TAFA1: variants seen among roughly 807,000 people sequenced by gnomAD.
TAFA1 encodes chemokine-like protein TAFA-1.
TAFA1 carries 4 observed loss-of-function variants against 18.5 expected under a neutral mutation model. The observed-to-expected ratio is 0.22, with a 90% CI of 0.11 to 0.49. The LOEUF (loss-of-function observed/expected upper bound fraction) is 0.49, where lower values mean the gene tolerates loss of function less well. TAFA1 is among the 20% of genes least tolerant of loss of function. TAFA1 has a pLI of 0.98. For missense variants in TAFA1, 147 were observed against 169.0 expected (o/e 0.87, Z 0.72); for synonymous variants, 56 against 55.2 (o/e 1.01, Z -0.06).
At chr3:68,539,415 T>C (rs2073331514) in intron 4 of TAFA1, among the ~76,000 whole-genome samples, 1 of 151,684 alleles carries the variant, frequency 6.6e-6, no homozygotes, top group Non-Finnish European at 1.5e-5. Context: ...CAGGGTGGGG[T>C]AATCCAAACC....
chr3:68,312,212 C>T (rs990950128), intron 2 of TAFA1, among the ~76,000 whole-genome samples: 2 of 152,038 alleles, frequency 1.3e-5, no homozygotes, highest in Non-Finnish European at 2.9e-5. Context: ...GGCCTTCGGG[C>T]CTGTGATAGG....
At chr3:68,198,546 A>T (rs1309751438) in intron 2 of TAFA1, among the ~76,000 whole-genome samples, 2 of 151,568 alleles carry the variant, frequency 1.3e-5, no homozygotes, top group East Asian at 3.9e-4. Context: ...TAGTGTTGTC[A>T]GTGTTCTGAA....
chr3:68,309,499 G>A (rs1259214291), intron 2 of TAFA1, among the ~76,000 whole-genome samples: 1 of 152,042 alleles, frequency 6.6e-6, no homozygotes, highest in East Asian at 1.9e-4. Flanking sequence ...CTATTACAAA[G>A]CCATGTAATT....
At chr3:68,210,662 T>G (rs1422096591) in intron 2 of TAFA1, among the ~76,000 whole-genome samples, 1 of 152,072 alleles carries the variant, frequency 6.6e-6, no homozygotes, top group African/African-American at 2.4e-5. Flanking sequence ...CTCTATTCAG[T>G]AAGCCACCCT....
intron 2 of TAFA1, among the ~76,000 whole-genome samples, chr3:68,105,362 A>C (rs1000503365): frequency 4.3e-4 from 65 of 152,170 alleles, no homozygotes; most frequent in African/African-American, 1.5e-3. Flanking sequence ...ACAGAAACAC[A>C]GTCGTGTCAA....
intron 2 of TAFA1, among the ~76,000 whole-genome samples, chr3:68,350,463 T>C (rs2069246724): frequency 6.6e-6 from 1 of 152,140 alleles, no homozygotes; most frequent in Admixed American, 6.6e-5. Flanking sequence ...GAGGGATACA[T>C]GCTTATAGTT....
At chr3:68,416,479 C>A (rs2070841204) in intron 2 of TAFA1, among the ~76,000 whole-genome samples, 1 of 152,168 alleles carries the variant, frequency 6.6e-6, no homozygotes, top group South Asian at 2.1e-4. Context: ...GGTTTCTGGT[C>A]ACTTGATGTA....
chr3:68,224,896 CTTTTTTTTTTTTTTTT>C (rs71112624), intron 2 of TAFA1, among the ~76,000 whole-genome samples: 36 of 46,342 alleles, frequency 7.8e-4, no homozygotes, highest in Non-Finnish European at 1.1e-3. Context: ...GCTTGTGGCA[CTTTTTTTTTTTTTTTT>C]TTTTTTTTTT....
intron 2 of TAFA1, among the ~76,000 whole-genome samples, chr3:68,200,774 A>G (rs914677314): frequency 3.3e-5 from 5 of 151,520 alleles, no homozygotes; most frequent in Non-Finnish European, 7.4e-5. Context: ...CTAGAGGATT[A>G]TCATTTTAAT....
intron 3 of TAFA1, among the ~76,000 whole-genome samples, chr3:68,428,423 T>G (rs1476574708): frequency 6.6e-6 from 1 of 151,908 alleles, no homozygotes; most frequent in African/African-American, 2.4e-5. Context: ...CCAACAAAAG[T>G]CATAAACACA....
At chr3:68,401,720 C>T (rs2070497391) in intron 2 of TAFA1, among the ~76,000 whole-genome samples, 1 of 152,188 alleles carries the variant, frequency 6.6e-6, no homozygotes, top group Non-Finnish European at 1.5e-5. Context: ...TGTTAACAAC[C>T]ACTTGGTCAC....
chr3:68,131,626 G>A (rs1418119083), intron 2 of TAFA1, among the ~76,000 whole-genome samples: 2 of 152,190 alleles, frequency 1.3e-5, no homozygotes, highest in Non-Finnish European at 2.9e-5. Context: ...CTTAGCTACT[G>A]AGCAGGCAGA....
At chr3:68,130,308 G>C (rs887128057) in intron 2 of TAFA1, among the ~76,000 whole-genome samples, 1 of 152,128 alleles carries the variant, frequency 6.6e-6, no homozygotes, top group African/African-American at 2.4e-5. Flanking sequence ...TTAGGCACTA[G>C]AGCAGTTTGC....
chr3:68,193,878 G>A (rs1325405149), intron 2 of TAFA1, among the ~76,000 whole-genome samples: 1 of 151,684 alleles, frequency 6.6e-6, no homozygotes, highest in Admixed American at 6.6e-5. Flanking sequence ...AACATTTGTA[G>A]GTTTGTGGGT....
chr3:68,075,931 A>G (rs910530006), intron 2 of TAFA1, among the ~76,000 whole-genome samples: 7 of 152,154 alleles, frequency 4.6e-5, no homozygotes, highest in Non-Finnish European at 7.4e-5. Flanking sequence ...TCCTGGGCTC[A>G]AGCAATCCTG....
intron 2 of TAFA1, among the ~76,000 whole-genome samples, chr3:68,361,569 C>T (rs1417727983): frequency 6.6e-6 from 1 of 151,106 alleles, no homozygotes; most frequent in Admixed American, 6.6e-5. Context: ...GATCATTACA[C>T]ATTATAGTCA....
intron 2 of TAFA1, among the ~76,000 whole-genome samples, chr3:68,328,295 A>G (rs1218873357): frequency 1.3e-5 from 2 of 152,172 alleles, no homozygotes; most frequent in Non-Finnish European, 2.9e-5. Flanking sequence ...GAAATTACCA[A>G]TTTCATAAAA....
chr3:68,341,812 G>T (rs1009796632), intron 2 of TAFA1, among the ~76,000 whole-genome samples: 12 of 152,168 alleles, frequency 7.9e-5, no homozygotes, highest in African/African-American at 2.4e-4. Context: ...CCGAAGTAAA[G>T]GTTAGAGATA....
intron 3 of TAFA1, among the ~76,000 whole-genome samples, chr3:68,474,281 AC>A (rs981344525): frequency 6.6e-5 from 10 of 152,104 alleles, no homozygotes; most frequent in African/African-American, 1.4e-4. Flanking sequence ...TCACCACTAT[AC>A]CAGGCTTCTT....
Sources: allele counts gnomAD v4.1 joint callset (sites outside exome capture counted in the v4.1 genomes callset), GRCh38; gene constraint gnomAD v4.1.1; transcripts MANE v1.5; gene names NCBI Gene and HGNC (gene_info 2026-07-23, HGNC 2026-07-21).